Variants in MAML2 observed in about 807,000 individuals in gnomAD.
The protein encoded by MAML2 is mastermind-like protein 2.
MAML2 carries 22 observed loss-of-function variants against 96.1 expected under a neutral mutation model. That is an observed-to-expected ratio of 0.23 (90% CI 0.16 to 0.33). The LOEUF (loss-of-function observed/expected upper bound fraction) is 0.33, where lower values mean the gene tolerates loss of function less well. Ranked by LOEUF, MAML2 falls within the 10% of genes least tolerant of loss-of-function variation. The probability of loss-of-function intolerance (pLI) is 1.00; values close to 1 mark genes in which losing one functional copy is unlikely to be tolerated. For missense variants in MAML2, 1,367 were observed against 1,392.4 expected (o/e 0.98, Z 0.29); for synonymous variants, 561 against 521.3 (o/e 1.08, Z -1.04).
At chr11:96,230,580 G>A (rs1862279277) in intron 1 of MAML2, among the ~76,000 whole-genome samples, 1 of 152,130 alleles carries the variant, frequency 6.6e-6, no homozygotes, top group South Asian at 2.1e-4. Flanking sequence ...CGAATACACA[G>A]AAATGTTAAA....
intron 1 of MAML2, among the ~76,000 whole-genome samples, chr11:96,161,435 T>C (rs1386512750): frequency 1.3e-5 from 2 of 152,206 alleles, no homozygotes; most frequent in South Asian, 4.1e-4. Context: ...TCTTAATAGG[T>C]TCATTTTTTA....
intron 1 of MAML2, among the ~76,000 whole-genome samples, chr11:96,216,570 C>T (rs930234060): frequency 6.6e-6 from 1 of 152,096 alleles, no homozygotes; most frequent in Non-Finnish European, 1.5e-5. Flanking sequence ...ATCCATACTG[C>T]CCCAGAGTGT....
intron 1 of MAML2, among the ~76,000 whole-genome samples, chr11:96,219,617 G>C (rs924030118): frequency 1.3e-5 from 2 of 152,022 alleles, no homozygotes; most frequent in African/African-American, 2.4e-5. Flanking sequence ...TCTTTTCTGA[G>C]TCTCAGTTCA....
chr11:96,325,552 ATAT>A (rs1863763313), intron 1 of MAML2, among the ~76,000 whole-genome samples: 1 of 152,108 alleles, frequency 6.6e-6, no homozygotes, highest in Non-Finnish European at 1.5e-5. Flanking sequence ...TCATGTACAT[ATAT>A]TATTATTATG....
In MAML2 at chr11:96,341,748, G is replaced by T; in HGVS notation, c.148C>A (p.His50Asn). Residue 50 changes from histidine (H) to asparagine (N), a missense_variant, in exon 1 of 5, where the codon CAC becomes AAC. His to Asn is a moderately conservative substitution (Grantham distance 68). Coordinates refer to ENST00000524717, the MANE Select transcript of MAML2 (RefSeq NM_032427.4). Reference protein sequence around the residue: ...LRARIAVCRQHHLSCEGRYER... With the variant: ...LRARIAVCRQNHLSCEGRYER... ...TATCGTCCTTCACAGCTCAGGTGGTGTTGGCGGCAGACAGCGATCCGAGCC... is the reference window on the plus strand; with the variant it reads ...TATCGTCCTTCACAGCTCAGGTGGTTTTGGCGGCAGACAGCGATCCGAGCC... 6.2e-7 allele frequency: 1 copy of T among 1,613,094 alleles called. No individual in the cohort carries two copies.
rs12285204 is a variant in MAML2, at chr11:96,170,720, A to G, written c.514-77203T>C. Among the ~76,000 whole-genome samples, 976 of 151,864 alleles carry G rather than the reference A, an allele frequency of 6.4e-3. 12 individuals carry two copies. Among genetic ancestry groups the G allele is most frequent in the African/African-American group, 0.022 (925 of 41,382 alleles). On this transcript the variant is annotated intron_variant, in intron 1 of 4. Transcript: ENST00000524717. ...AGGGTGGCTTCTGTGTGTAGATTCT[A>G]CTTTTTTGTTTTGAGATGGAGTCTT...
At chr11:96,020,007 G>A (rs962144255) in intron 2 of MAML2, among the ~76,000 whole-genome samples, 6 of 152,106 alleles carry the variant, frequency 3.9e-5, no homozygotes, top group African/African-American at 9.7e-5. Context: ...AAGAGGCTGC[G>A]AAGCACTTTC....
At chr11:96,271,112 T>C (rs1274772702) in intron 1 of MAML2, among the ~76,000 whole-genome samples, 3 of 152,258 alleles carry the variant, frequency 2.0e-5, no homozygotes, top group South Asian at 2.1e-4. Context: ...GGCCACAGAC[T>C]GAAGTCTTCA....
intron 1 of MAML2, among the ~76,000 whole-genome samples, chr11:96,135,403 C>T (rs1171206278): frequency 6.6e-6 from 1 of 152,156 alleles, no homozygotes; most frequent in African/African-American, 2.4e-5. Flanking sequence ...CTCATTTCAT[C>T]CTCACACCAG....
chr11:96,298,825 G>A (rs1005632395), intron 1 of MAML2, among the ~76,000 whole-genome samples: 5 of 146,842 alleles, frequency 3.4e-5, no homozygotes, highest in Non-Finnish European at 7.5e-5. Context: ...GGTGGATCAC[G>A]AGGTCAGGAG....
At chr11:96,325,347 CT>C (rs1440101859) in intron 1 of MAML2, among the ~76,000 whole-genome samples, 1 of 152,116 alleles carries the variant, frequency 6.6e-6, no homozygotes, top group East Asian at 1.9e-4. Context: ...GGTAGTAATA[CT>C]CCAGAGAAGA....
intron 1 of MAML2, among the ~76,000 whole-genome samples, chr11:96,124,294 G>A (rs540080702): frequency 3.3e-5 from 5 of 152,258 alleles, no homozygotes; most frequent in African/African-American, 1.2e-4. Flanking sequence ...AGATAGGCAT[G>A]AATAAGACCT....
At chr11:96,038,678 C>T (rs1278151910) in intron 2 of MAML2, among the ~76,000 whole-genome samples, 3 of 152,198 alleles carry the variant, frequency 2.0e-5, no homozygotes, top group African/African-American at 7.2e-5. Context: ...GTCACTTCTC[C>T]AGTGTTGCCT....
intron 3 of MAML2, among the ~76,000 whole-genome samples, chr11:95,988,175 T>C (rs1046635765): frequency 3.3e-5 from 5 of 150,886 alleles, no homozygotes; most frequent in South Asian, 2.1e-4. Context: ...AAGAGAGAGA[T>C]AAAGAGAAGA....
At chr11:96,274,432 C>T (rs1474886885) in intron 1 of MAML2, among the ~76,000 whole-genome samples, 1 of 152,114 alleles carries the variant, frequency 6.6e-6, no homozygotes, top group Non-Finnish European at 1.5e-5. Context: ...CATCTTTACA[C>T]GTCTCTTTCT....
At chr11:96,047,800 T>G (rs1858926060) in intron 2 of MAML2, among the ~76,000 whole-genome samples, 1 of 150,254 alleles carries the variant, frequency 6.7e-6, no homozygotes, top group South Asian at 2.1e-4. Flanking sequence ...TAATCCCAGC[T>G]ACTCGGGAGT....
At chr11:95,996,892 T>A (rs1042612453) in intron 2 of MAML2, among the ~76,000 whole-genome samples, 1 of 152,160 alleles carries the variant, frequency 6.6e-6, no homozygotes, top group African/African-American at 2.4e-5. Flanking sequence ...CAACACACAT[T>A]TTCTCCTGAA....
intron 1 of MAML2, among the ~76,000 whole-genome samples, chr11:96,102,224 C>T (rs1033386733): frequency 3.3e-5 from 5 of 152,090 alleles, no homozygotes; most frequent in Admixed American, 6.6e-5. Flanking sequence ...TGCAGTGAGC[C>T]GAGATCGCGT....
intron 1 of MAML2, among the ~76,000 whole-genome samples, chr11:96,287,391 A>G (rs986538719): frequency 3.9e-5 from 6 of 152,214 alleles, no homozygotes; most frequent in African/African-American, 1.4e-4. Flanking sequence ...GTGAATGCCT[A>G]TGTCTACTTC....
Sources: allele counts gnomAD v4.1 joint callset (sites outside exome capture counted in the v4.1 genomes callset), GRCh38; gene constraint gnomAD v4.1.1; transcripts MANE v1.5; gene names NCBI Gene and HGNC (gene_info 2026-07-23, HGNC 2026-07-21).